SCAPER: variants seen among roughly 807,000 people sequenced by gnomAD.
SCAPER encodes S phase cyclin A-associated protein in the endoplasmic reticulum.
SCAPER carries 98 observed loss-of-function variants against 182.2 expected under a neutral mutation model. The ratio of observed to expected loss-of-function variants is 0.54; its 90% CI spans 0.46 to 0.64. SCAPER has a LOEUF of 0.64. Ranked by LOEUF, SCAPER falls within the 30% of genes least tolerant of loss-of-function variation. The pLI is 0.00. For synonymous variants in SCAPER, 605 were observed against 564.6 expected (o/e 1.07, Z -1.01); for missense variants, 1,432 against 1,690.0 (o/e 0.85, Z 2.68).
intron 29 of SCAPER, among the ~76,000 whole-genome samples, chr15:76,358,075 C>T (rs1207416815): frequency 2.0e-5 from 3 of 152,106 alleles, no homozygotes; most frequent in Non-Finnish European, 4.4e-5. Context: ...CACTTGTACC[C>T]CCTAGTTTAT....
chr15:76,517,422 TCA>T (rs1295052273), intron 23 of SCAPER, among the ~76,000 whole-genome samples: 10 of 151,342 alleles, frequency 6.6e-5, no homozygotes, highest in Admixed American at 6.6e-4. Flanking sequence ...TGATCTTGAC[TCA>T]CTGCAACCTC....
At chr15:76,552,995 A>G (rs1447646652) in intron 23 of SCAPER, among the ~76,000 whole-genome samples, 2 of 152,138 alleles carry the variant, frequency 1.3e-5, no homozygotes, top group East Asian at 1.9e-4. Flanking sequence ...TACCTGTTGG[A>G]GAACTCCAGC....
In SCAPER at chr15:76,750,611, A is replaced by T. The variant is rs2062032321; in HGVS notation, c.1866+3197T>A. 3.9e-5 allele frequency among the ~76,000 whole-genome samples: 6 copies of T among 151,992 alleles called. 1 individual carries two copies. In the South Asian group the frequency reaches 1.2e-3, roughly 31 times the overall value. On this transcript the variant is annotated intron_variant, in intron 15 of 31. Coordinates refer to ENST00000563290, the MANE Select transcript of SCAPER (RefSeq NM_020843.4). The stretch of plus-strand genomic sequence containing the variant: ...ATTCCTGGAATGGTACAACATATGA[A>T]AACTGGCCAATGTAACATTACACAT...
intron 5 of SCAPER, among the ~76,000 whole-genome samples, chr15:76,815,929 A>C (rs2067041236): frequency 1.3e-5 from 2 of 152,222 alleles, no homozygotes; most frequent in South Asian, 4.1e-4. Flanking sequence ...GGCCAAGAGT[A>C]ACACAATGTT....
At chr15:76,804,921 T>C (rs1290268853) in intron 5 of SCAPER, among the ~76,000 whole-genome samples, 2 of 152,134 alleles carry the variant, frequency 1.3e-5, no homozygotes, top group Non-Finnish European at 2.9e-5. Context: ...TATAGAAAAG[T>C]ACACTAAACA....
intron 23 of SCAPER, among the ~76,000 whole-genome samples, chr15:76,536,479 A>G (rs548367812): frequency 2.0e-5 from 3 of 152,370 alleles, no homozygotes; most frequent in Admixed American, 6.5e-5. Context: ...AGCATTATAC[A>G]GTTAATGGTA....
intron 27 of SCAPER, 117 bp from the exon 28 acceptor site, chr15:76,381,732 A>C: frequency 1.3e-6 from 1 of 792,014 alleles, no homozygotes. Context: ...TGAGTTGTAT[A>C]GTATGGTAAC....
intron 27 of SCAPER, among the ~76,000 whole-genome samples, chr15:76,403,913 G>A (rs918424471): frequency 6.6e-6 from 1 of 152,122 alleles, no homozygotes; most frequent in Non-Finnish European, 1.5e-5. Context: ...CGCAGGGTGG[G>A]ATGGGGTAGG....
chr15:76,782,096 A>C (rs758407910), intron 8 of SCAPER, among the ~76,000 whole-genome samples: 76 of 152,148 alleles, frequency 5.0e-4, no homozygotes, highest in Non-Finnish European at 1.0e-3. Flanking sequence ...AGACTGGCAA[A>C]TTGGACAGAG....
intron 15 of SCAPER, among the ~76,000 whole-genome samples, chr15:76,744,680 G>A (rs576723744): frequency 3.7e-4 from 57 of 152,318 alleles, no homozygotes; most frequent in Non-Finnish European, 1.5e-5. Flanking sequence ...ATACACTGTT[G>A]GTGGGAATGT....
At chr15:76,892,398 G>A (rs985498902) in intron 1 of SCAPER, among the ~76,000 whole-genome samples, 14 of 152,130 alleles carry the variant, frequency 9.2e-5, no homozygotes, top group Admixed American at 9.2e-4. Flanking sequence ...CCTACAGAAT[G>A]GGAGAAAATT....
chr15:76,732,943 T>G (rs1174810001), intron 16 of SCAPER, among the ~76,000 whole-genome samples: 1 of 152,212 alleles, frequency 6.6e-6, no homozygotes, highest in Non-Finnish European at 1.5e-5. Flanking sequence ...GTGACCCACT[T>G]GACCTTACGT....
At chr15:76,378,519 A>G (rs1284128345) in intron 28 of SCAPER, among the ~76,000 whole-genome samples, 1 of 152,236 alleles carries the variant, frequency 6.6e-6, no homozygotes, top group African/African-American at 2.4e-5. Context: ...GCTATACAGT[A>G]CAAATACTAT....
intron 20 of SCAPER, among the ~76,000 whole-genome samples, chr15:76,695,798 T>C (rs931893185): frequency 3.3e-5 from 5 of 152,118 alleles, no homozygotes; most frequent in South Asian, 4.1e-4. Context: ...TATATGTGTG[T>C]GCATTATATA....
intron 2 of SCAPER, among the ~76,000 whole-genome samples, chr15:76,872,136 AAT>A (rs747727170): frequency 6.6e-6 from 1 of 152,110 alleles, no homozygotes; most frequent in Non-Finnish European, 1.5e-5. Context: ...GAAAATGGAA[AAT>A]ATGACAGTAG....
intron 22 of SCAPER, among the ~76,000 whole-genome samples, chr15:76,604,343 G>A (rs1246429355): frequency 3.3e-5 from 4 of 119,988 alleles, no homozygotes; most frequent in Admixed American, 1.9e-4. Context: ...GTAGATATGC[G>A]GCATTATTTC....
chr15:76,821,453 T>C (rs766870930), intron 5 of SCAPER, among the ~76,000 whole-genome samples: 3 of 151,940 alleles, frequency 2.0e-5, no homozygotes. Flanking sequence ...ACTCCATCTC[T>C]ACAAAAAAAA....
intron 25 of SCAPER, among the ~76,000 whole-genome samples, chr15:76,463,350 G>A (rs548423670): frequency 5.6e-4 from 85 of 152,222 alleles, no homozygotes; most frequent in African/African-American, 2.0e-3. Flanking sequence ...AAAATCAACA[G>A]GCACCTGGAT....
At chr15:76,801,928 G>A (rs62029177) in intron 6 of SCAPER, among the ~76,000 whole-genome samples, 1 of 151,766 alleles carries the variant, frequency 6.6e-6, no homozygotes, top group Non-Finnish European at 1.5e-5. Flanking sequence ...AAAAAAAAGG[G>A]ATGCCTCAGG....
Sources: gnomAD v4.1 joint callset for allele counts (sites outside exome capture counted in the v4.1 genomes callset) on GRCh38, gnomAD v4.1.1 for gene constraint, MANE v1.5 for transcripts, NCBI Gene and HGNC (gene_info 2026-07-23, HGNC 2026-07-21) for gene names.